Variants in STXBP2 observed in about 807,000 individuals in gnomAD.
STXBP2 encodes the protein syntaxin binding protein 2, also known as syntaxin-binding protein 2.
In STXBP2, 47 loss-of-function variants were observed where a neutral mutation model predicts 72.2. The observed-to-expected ratio is 0.65, with a 90% CI of 0.51 to 0.83. The LOEUF (loss-of-function observed/expected upper bound fraction) is 0.83. Among genes scored for constraint, STXBP2 ranks in the 40% least tolerant of loss-of-function variants. The pLI, the probability that STXBP2 is intolerant of heterozygous loss-of-function variation, is 0.00. For missense variants in STXBP2, 702 were observed against 807.6 expected (o/e 0.87, Z 1.58); for synonymous variants, 367 against 338.7 (o/e 1.08, Z -0.92).
chr19:7,640,347 C>T (rs991308372), intron 4 of STXBP2: 9 of 447,664 alleles, frequency 2.0e-5, no homozygotes, highest in African/African-American at 4.2e-5. Flanking sequence ...TGTGTGTATG[C>T]GTCTGTGCAT....
Position 7,642,535 on chromosome 19 carries a change from A to C in STXBP2, c.901A>C (p.Lys301Gln), listed in dbSNP as rs1392584388. The change falls in exon 10 of 19, where the codon AAG becomes CAG. Residue 301 changes from lysine to glutamine, a missense_variant and splice_region_variant. By Grantham distance (53) the Lys-to-Gln change is moderately conservative (BLOSUM62 1). Coordinates refer to ENST00000221283, the MANE Select transcript of STXBP2 (RefSeq NM_006949.4). This position sits in a 1 kb window ranked among gnomAD's most constrained non-coding sequence, Gnocchi z 6.0. ...CCACATGCATATCGCAGATGTGTCC[A>C]AGTGCGTGCACACGGGGACCGGATC... ...LRHMHIADVS[K>Q]KVTELLRTFC... is the part of the protein sequence containing the mutation. The C allele has an allele frequency of 1.5e-5, 25 of 1,613,882 alleles. No homozygotes were observed. The highest frequency in any genetic ancestry group is 2.1e-5 in the Non-Finnish European group (25 of 1,179,932).
rs1489364472 is a variant in STXBP2, at chr19:7,647,788, T to C, written c.1760T>C (p.Leu587Pro). Residue 587 changes from leucine (L) to proline (P), a missense_variant, in exon 19 of 19, where the codon CTG becomes CCG. Transcript: ENST00000221283. Reference sequence around the variant, plus strand: ...GACCTGAAGGCACTGGACAAGAAGCTGGAGGACATTGCCCTGCCCTGACCC... The same window carrying C: ...GACCTGAAGGCACTGGACAAGAAGCCGGAGGACATTGCCCTGCCCTGACCC... ...LDDLKALDKK[L>P]EDIALP 3 of 1,613,964 alleles carry C rather than the reference T, an allele frequency of 1.9e-6. No individual in the cohort carries two copies.
At chr19:7,632,511 T>A, upstream of STXBP2, 1 of 1,611,874 alleles carries the variant, frequency 6.2e-7, no homozygotes, top group Non-Finnish European at 8.5e-7. The surrounding 1 kb of genome is among the most constrained non-coding windows in gnomAD (Gnocchi z 5.2). Context: ...GGGGGTGGGG[T>A]CGCTCTCTGC....
At chr19:7,634,438 A>G (rs1568460252), upstream of STXBP2, among the ~76,000 whole-genome samples, 1 of 152,230 alleles carries the variant, frequency 6.6e-6, no homozygotes, top group Non-Finnish European at 1.5e-5. Context: ...CTCTATGCCA[A>G]TGAAGTGTCC....
intron 4 of STXBP2, chr19:7,640,233 T>C (rs894183834): frequency 7.5e-6 from 4 of 534,894 alleles, no homozygotes; most frequent in South Asian, 6.2e-5. Context: ...TGTGTGTGCG[T>C]CTGTGTGTAT....
At position 7,647,226 on chromosome 19, in the gene STXBP2, C is replaced by G. The variant is rs1360376676; in HGVS notation, c.1517C>G (p.Ala506Gly). The G allele has an allele frequency of 1.2e-6, 2 of 1,611,602 alleles. No individual in the cohort carries two copies. Among genetic ancestry groups the G allele is most frequent in the Non-Finnish European group, 1.7e-6 (2 of 1,179,708 alleles). The change falls in exon 17 of 19, where the codon GCC becomes GGC. Residue 506 changes from alanine to glycine, a missense_variant. Coordinates refer to ENST00000221283, the MANE Select transcript of STXBP2 (RefSeq NM_006949.4). ...WPFVSDPAPT[A>G]SSQAAVSARF... ...TTCGTATCCGACCCCGCCCCCACGG[C>G]CAGCTCCCAGGCCGCTGTCAGGTGA...
At chr19:7,630,872 A>G in the STXBP2 span, 3,114 of 1,537,076 alleles carry the variant, frequency 2.0e-3, 59 homozygotes, top group African/African-American at 0.038. Context: ...TTCCTGCCAG[A>G]GGGATGGAGG....
upstream of STXBP2, chr19:7,632,324 G>T: frequency 2.5e-6 from 4 of 1,594,366 alleles, no homozygotes; most frequent in Non-Finnish European, 3.4e-6. This position sits in a 1 kb window ranked among gnomAD's most constrained non-coding sequence, Gnocchi z 5.2. Flanking sequence ...CTCCTGGCTG[G>T]GGTGGAGGGC....
At chr19:7,645,019 CT>C in intron 14 of STXBP2, 177 bp from the exon 15 acceptor site, 1 of 1,448,668 alleles carries the variant, frequency 6.9e-7, no homozygotes, top group East Asian at 2.5e-5. Context: ...GGAGGAGCCC[CT>C]GATCTACCCC....
chr19:7,633,662 G>A, upstream of STXBP2: 1 of 608,408 alleles, frequency 1.6e-6, no homozygotes, highest in Non-Finnish European at 2.9e-6. Flanking sequence ...ATCTGGCATG[G>A]TGGGTAGGGG....
At chr19:7,646,854 T>C (rs2032157071) in intron 16 of STXBP2, 3 of 512,796 alleles carry the variant, frequency 5.9e-6, no homozygotes, top group African/African-American at 5.8e-5. Flanking sequence ...GGGCTGGGGG[T>C]ATTGACTGAT....
At position 7,642,752 on chromosome 19, in the gene STXBP2, A is replaced by G. The variant is rs1466041732; in HGVS notation, c.903-14A>G. The G allele has an allele frequency of 6.2e-7, 1 of 1,607,066 alleles. No homozygotes were observed. Among genetic ancestry groups the G allele is most frequent in the Non-Finnish European group, 8.5e-7 (1 of 1,177,732 alleles). ...TCTCCCCTCACTCTCACCCCCGCCC[A>G]CCCTCATGGCCAGGAAGGTCACGGA... On this transcript the variant is annotated splice_polypyrimidine_tract_variant and intron_variant, in intron 10 of 18. Transcript: ENST00000221283. This position sits in a 1 kb window ranked among gnomAD's most constrained non-coding sequence, Gnocchi z 6.0.
At chr19:7,635,804 A>G (rs1047819024), upstream of STXBP2, among the ~76,000 whole-genome samples, 5 of 152,172 alleles carry the variant, frequency 3.3e-5, no homozygotes, top group East Asian at 1.9e-4. Flanking sequence ...ACGGTTGCCA[A>G]CCGTCCTGGT....
At chr19:7,643,857 G>A (rs1393923735) in intron 13 of STXBP2, among the ~76,000 whole-genome samples, 1 of 140,994 alleles carries the variant, frequency 7.1e-6, no homozygotes, top group Non-Finnish European at 1.5e-5. Context: ...AGAGAGGTGG[G>A]ACCTGGGAGA....
Position 7,638,582 on chromosome 19 carries a change from A to T in STXBP2, c.38-144A>T, listed in dbSNP as rs143054007. 2.8e-4 allele frequency: 228 copies of T among 822,726 alleles called. No individual in the cohort carries two copies. The African/African-American group carries it at 3.7e-3, about 13-fold the overall frequency. The allele number at this position is 822,726 out of a possible 1,614,324, so 51.0% of individuals were successfully genotyped here. The stretch of plus-strand genomic sequence containing the variant: ...ACACCACTGCACTTTAGCCTAGGTG[A>T]CAGAGTGAGATCCTCCTCTCTTAAA... On this transcript the variant is annotated intron_variant, in intron 1 of 18. Coordinates refer to ENST00000221283, the MANE Select transcript of STXBP2 (RefSeq NM_006949.4).
intron 13 of STXBP2, among the ~76,000 whole-genome samples, chr19:7,643,688 CCTGGGAG>C (rs1568469001): frequency 4.4e-5 from 6 of 135,172 alleles, no homozygotes; most frequent in Non-Finnish European, 3.1e-5. Context: ...AGAGGTGGGC[CCTGGGAG>C]AGGGGCGGAG....
At chr19:7,639,194 C>A (rs2031689751) in intron 3 of STXBP2, 94 bp downstream of exon 3, 11 of 1,350,924 alleles carry the variant, frequency 8.1e-6, no homozygotes, top group African/African-American at 4.3e-5. Context: ...TGTAGGATCC[C>A]CTCAAATCGT....
upstream of STXBP2, chr19:7,633,410 G>T: frequency 6.4e-7 from 1 of 1,570,454 alleles, no homozygotes; most frequent in Non-Finnish European, 8.6e-7. Flanking sequence ...CTCTCACCTC[G>T]GCACAGGGGC....
In STXBP2 at chr19:7,642,362, C is replaced by G; in HGVS notation, c.794+29C>G. 6.2e-7 allele frequency: 1 copy of G among 1,613,350 alleles called. No homozygotes were observed. Among genetic ancestry groups the G allele is most frequent in the Non-Finnish European group, 8.5e-7 (1 of 1,179,278 alleles). On this transcript the variant is annotated intron_variant, in intron 9 of 18. Coordinates refer to ENST00000221283, the MANE Select transcript of STXBP2 (RefSeq NM_006949.4). The surrounding 1 kb of genome is among the most constrained non-coding windows in gnomAD (Gnocchi z 6.0). ...TGCAGACTTGGAACCCGTCCCCACCCTTGCCACTGACCTGGTTCCCCAGTC... is the reference window on the plus strand; with the variant it reads ...TGCAGACTTGGAACCCGTCCCCACCGTTGCCACTGACCTGGTTCCCCAGTC...
Sources: gnomAD v4.1 joint callset for allele counts (sites outside exome capture counted in the v4.1 genomes callset) on GRCh38, gnomAD v4.1.1 for gene constraint, Gnocchi (gnomAD v3.1) non-coding constraint, MANE v1.5 for transcripts, NCBI Gene and HGNC (gene_info 2026-07-23, HGNC 2026-07-21) for gene names.